Variants in GALNT2 observed in about 807,000 individuals in gnomAD.
The protein encoded by GALNT2 is UDP-GalNAc:polypeptide N-acetylgalactosaminyltransferase 2.
Under a neutral mutation model 81.4 loss-of-function variants are expected in GALNT2, and 31 were observed. The ratio of observed to expected loss-of-function variants is 0.38; its 90% CI spans 0.29 to 0.51. The LOEUF (loss-of-function observed/expected upper bound fraction) is 0.51. GALNT2 is among the 20% of genes least tolerant of loss of function. The pLI is 0.87. For synonymous variants in GALNT2, 303 were observed against 287.4 expected, an observed-to-expected ratio of 1.05 and a Z score of -0.55; for missense variants, 629 against 765.7, an observed-to-expected ratio of 0.82 and a Z score of 2.11.
intron 6 of GALNT2, among the ~76,000 whole-genome samples, chr1:230,242,392 C>T (rs931331733): frequency 6.6e-6 from 1 of 152,152 alleles, no homozygotes; most frequent in African/African-American, 2.4e-5. Context: ...CCCATTTTGA[C>T]TGTGGAAAAA....
At chr1:230,068,341 G>A (rs796211309) in intron 1 of GALNT2, among the ~76,000 whole-genome samples, 24 of 152,346 alleles carry the variant, frequency 1.6e-4, no homozygotes, top group African/African-American at 5.8e-4. Flanking sequence ...GCCGAGCGCC[G>A]GCCGGGAGAG....
intron 3 of GALNT2, among the ~76,000 whole-genome samples, chr1:230,235,646 T>C (rs953557002): frequency 6.6e-6 from 1 of 152,196 alleles, no homozygotes; most frequent in Non-Finnish European, 1.5e-5. Context: ...GCACAGTTGG[T>C]TCTGCCCTTC....
At chr1:230,236,639 C>G (rs1046629142) in intron 5 of GALNT2, 21 bp from the exon 6 acceptor site, 33 of 1,605,854 alleles carry the variant, frequency 2.1e-5, no homozygotes, top group African/African-American at 2.7e-5. Context: ...TCAAAATGCT[C>G]TGCTTCTTTT....
intron 1 of GALNT2, among the ~76,000 whole-genome samples, chr1:230,156,166 G>A (rs967650646): frequency 6.6e-6 from 1 of 151,902 alleles, no homozygotes. Flanking sequence ...TTCTGGGGTT[G>A]ATGTCTGGAG....
At chr1:230,185,047 C>T (rs560342578) in intron 2 of GALNT2, among the ~76,000 whole-genome samples, 5 of 152,292 alleles carry the variant, frequency 3.3e-5, no homozygotes, top group Admixed American at 2.6e-4. Context: ...TCCTCATTCT[C>T]TACAGTGTTT....
chr1:230,212,932 A>G (rs1664278516), intron 3 of GALNT2, among the ~76,000 whole-genome samples: 1 of 152,014 alleles, frequency 6.6e-6, no homozygotes, highest in South Asian at 2.1e-4. Flanking sequence ...TATTGATTTG[A>G]CTGTAGAGAT....
chr1:230,158,835 T>C (rs1400761714), intron 1 of GALNT2, among the ~76,000 whole-genome samples: 1 of 152,164 alleles, frequency 6.6e-6, no homozygotes, highest in African/African-American at 2.4e-5. Context: ...GTTGGATGAA[T>C]GCCATCTGAA....
chr1:230,200,810 CTT>C (rs1255812960), intron 2 of GALNT2, among the ~76,000 whole-genome samples: 1 of 152,228 alleles, frequency 6.6e-6, no homozygotes, highest in Admixed American at 6.5e-5. Context: ...GTGGTGGTCT[CTT>C]CTCTGGCTGC....
intron 1 of GALNT2, among the ~76,000 whole-genome samples, chr1:230,100,802 AGT>A (rs1229507888): frequency 6.6e-6 from 1 of 152,236 alleles, no homozygotes; most frequent in African/African-American, 2.4e-5. Flanking sequence ...TGTACATATA[AGT>A]GTATATGCAT....
At chr1:230,185,124 T>C (rs1663282344) in intron 2 of GALNT2, among the ~76,000 whole-genome samples, 1 of 152,234 alleles carries the variant, frequency 6.6e-6, no homozygotes, top group Admixed American at 6.5e-5. Context: ...ATTATCTGTC[T>C]GTTCTTGTGT....
In GALNT2 at chr1:230,274,431, GT is replaced by G; in HGVS notation, c.1441-10del. On this transcript the variant is annotated splice_polypyrimidine_tract_variant and intron_variant, in intron 14 of 15. Coordinates refer to ENST00000366672, the MANE Select transcript of GALNT2 (RefSeq NM_004481.5). ...GTGCATAGCACGCCTCTGACTTCTGGTTTTGTGTTCCAGGAATGGGCCTTGA... is the reference window on the plus strand; with the variant it reads ...GTGCATAGCACGCCTCTGACTTCTGGTTTGTGTTCCAGGAATGGGCCTTGA... The G allele has an allele frequency of 6.2e-7, 1 of 1,612,784 alleles. No individual in the cohort carries two copies. Among genetic ancestry groups the G allele is most frequent in the South Asian group, 1.1e-5 (1 of 90,650 alleles).
At chr1:230,223,492 G>A (rs1404112110) in intron 3 of GALNT2, among the ~76,000 whole-genome samples, 1 of 151,138 alleles carries the variant, frequency 6.6e-6, no homozygotes, top group East Asian at 1.9e-4. Flanking sequence ...TTTTTGAGAT[G>A]GAGTCTTACT....
chr1:230,253,857 A>T (rs1216675004), intron 10 of GALNT2, among the ~76,000 whole-genome samples: 1 of 152,064 alleles, frequency 6.6e-6, no homozygotes, highest in Non-Finnish European at 1.5e-5. Context: ...ATCCTCCGTT[A>T]TACTTTTTAC....
At chr1:230,160,297 A>G (rs1278965977) in intron 1 of GALNT2, among the ~76,000 whole-genome samples, 3 of 152,192 alleles carry the variant, frequency 2.0e-5, no homozygotes, top group Admixed American at 1.3e-4. Flanking sequence ...ACTGTTGACC[A>G]CTATCCCCAT....
chr1:230,126,733 G>A (rs1437131494), intron 1 of GALNT2, among the ~76,000 whole-genome samples: 1 of 152,186 alleles, frequency 6.6e-6, no homozygotes, highest in African/African-American at 2.4e-5. Flanking sequence ...GATGGTGGGA[G>A]TTTCTCATTG....
chr1:230,249,338 G>T, intron 9 of GALNT2, 67 bp downstream of exon 9: 7 of 1,413,322 alleles, frequency 5.0e-6, no homozygotes, highest in Non-Finnish European at 6.9e-6. Flanking sequence ...TCTTTGCTGG[G>T]CCCGCACCGC....
At chr1:230,192,436 T>C (rs560203656) in intron 2 of GALNT2, among the ~76,000 whole-genome samples, 70 of 152,234 alleles carry the variant, frequency 4.6e-4, no homozygotes, top group Non-Finnish European at 8.8e-4. Flanking sequence ...TCTGTCTTTT[T>C]CATCTGTTGG....
intron 14 of GALNT2, among the ~76,000 whole-genome samples, chr1:230,267,815 G>A (rs988794509): frequency 2.0e-5 from 3 of 152,314 alleles, no homozygotes; most frequent in African/African-American, 7.2e-5. Context: ...CCATGCTTCT[G>A]TGTCCTTGTA....
chr1:230,160,320 A>T (rs945489863), intron 1 of GALNT2, among the ~76,000 whole-genome samples: 1 of 152,172 alleles, frequency 6.6e-6, no homozygotes, highest in Non-Finnish European at 1.5e-5. Flanking sequence ...TGTAGGCGAG[A>T]GTGAGCCTTA....
Sources: gnomAD v4.1 joint callset for allele counts (sites outside exome capture counted in the v4.1 genomes callset) on GRCh38, gnomAD v4.1.1 for gene constraint, MANE v1.5 for transcripts, NCBI Gene and HGNC (gene_info 2026-07-23, HGNC 2026-07-21) for gene names.